Variants in ZNF574 observed in about 807,000 individuals in gnomAD.
ZNF574 encodes the protein zinc finger protein 574.
A neutral mutation model predicts 56.6 loss-of-function variants in ZNF574; 25 were observed. The ratio of observed to expected loss-of-function variants is 0.44; its 90% confidence interval spans 0.32 to 0.62. The LOEUF is 0.62. Ranked by LOEUF, ZNF574 falls within the 20% of genes least tolerant of loss-of-function variation. ZNF574 has a pLI of 0.04. For synonymous variants in ZNF574, 543 were observed against 492.1 expected (o/e 1.10, Z -1.37); for missense variants, 1,065 against 1,218.9 (o/e 0.87, Z 1.88).
rs763583111 is a variant in ZNF574 at position 42,079,620 on chromosome 19, C to T, written c.1014C>T (p.Cys338=). 1.9e-5 allele frequency: 30 copies of T among 1,614,124 alleles called. No individual in the cohort carries two copies. The highest frequency in any genetic ancestry group is 1.7e-4 in the African/African-American group (13 of 75,052). ...LRSHREGVFK[C]PLCSRVFPSP... The stretch of plus-strand genomic sequence containing the variant: ...GTCACCGGGAGGGCGTCTTTAAGTG[C>T]CCCCTGTGCAGTCGTGTCTTCCCTA... Residue 338 remains cysteine (C), a synonymous_variant, in exon 2 of 2, where the codon TGC becomes TGT. Transcript: ENST00000359044. This position sits in a 1 kb window ranked among gnomAD's most constrained non-coding sequence, Gnocchi z 4.3.
upstream of ZNF574, among the ~76,000 whole-genome samples, chr19:42,072,548 CTTTTA>C (rs948088291): frequency 6.6e-6 from 1 of 150,838 alleles, no homozygotes; most frequent in South Asian, 2.1e-4. Context: ...GTTTTCTTTT[CTTTTA>C]TTTTTTCTTT....
chr19:42,080,607 T>C lies in ZNF574; in HGVS notation c.2001T>C (p.Phe667=). 1 of 1,612,872 alleles carries C rather than the reference T, an allele frequency of 6.2e-7. No homozygotes were observed. Among genetic ancestry groups the C allele is most frequent in the Non-Finnish European group, 8.5e-7 (1 of 1,179,870 alleles). The part of the protein sequence containing the change: ...AAAAAQAPRR[F]ECGTCGKKVG... ...CTGCTGCCCAGGCCCCACGGCGCTT[T>C]GAGTGTGGCACCTGTGGCAAGAAAG... Residue 667 remains phenylalanine (F), a synonymous_variant, in exon 2 of 2, where the codon TTT becomes TTC. Coordinates refer to ENST00000359044, the MANE Select transcript of ZNF574 (RefSeq NM_022752.6). This position sits in a 1 kb window ranked among gnomAD's most constrained non-coding sequence, Gnocchi z 8.5.
chr19:42,069,075 G>T, intron 1 of ZNF574: 1 of 456,052 alleles, frequency 2.2e-6, no homozygotes, highest in South Asian at 4.3e-5. Flanking sequence ...AGGTCGAGGT[G>T]AATGGACGCT....
upstream of ZNF574, among the ~76,000 whole-genome samples, chr19:42,072,236 C>CTT (rs1200141888): frequency 4.7e-4 from 64 of 135,156 alleles, no homozygotes; most frequent in African/African-American, 1.1e-3. Flanking sequence ...TTTTCCTTTT[C>CTT]TTTTTTTTTT....
In ZNF574 at chr19:42,078,627, G is replaced by A. The variant is rs1224320445; in HGVS notation, c.21G>A (p.Glu7=). Residue 7 remains glutamate (E), a synonymous_variant, in exon 2 of 2, where the codon GAG becomes GAA. Transcript: ENST00000359044. ...CCGCCATGACTGAGGAATCAGAGGAGACAGTCCTGTACATTGAGCACCGCT... is the reference window on the plus strand; with the variant it reads ...CCGCCATGACTGAGGAATCAGAGGAAACAGTCCTGTACATTGAGCACCGCT... MTEESE[E]TVLYIEHRYV... is the part of the protein sequence containing the mutation. 6.2e-7 allele frequency: 1 copy of A among 1,612,978 alleles called. No individual in the cohort carries two copies. The highest frequency in any genetic ancestry group is 8.5e-7 in the Non-Finnish European group (1 of 1,179,216).
At position 42,076,422 on chromosome 19, in the gene ZNF574, C is replaced by G. The variant is rs2146210323; in HGVS notation, c.-21+136C>G. 2.0e-5 allele frequency: 3 copies of G among 152,024 alleles called. No individual in the cohort carries two copies. The Middle Eastern group carries it at 0.01, about 524-fold the overall frequency. The allele number at this position is 152,024 out of a possible 1,614,324, so 9.4% of individuals were successfully genotyped here. A position where few individuals can be genotyped will look rare whatever the true frequency, so the allele number is the denominator to read the frequency against. ...AGTTAGGGCGGAGCGGCACCAACGG[C>G]CGACCCGGCGCGCGGGCAGCCGGGC... On this transcript the variant is annotated intron_variant, in intron 1 of 1. Coordinates refer to ENST00000359044, the MANE Select transcript of ZNF574 (RefSeq NM_022752.6).
chr19:42,076,570 G>A (rs2146210557), intron 1 of ZNF574, among the ~76,000 whole-genome samples: 1 of 152,266 alleles, frequency 6.6e-6, no homozygotes, highest in Admixed American at 6.5e-5. Flanking sequence ...GGAGGCCTCA[G>A]AGCTGTCCCA....
chr19:42,081,009 G>A lies in ZNF574; in HGVS notation c.2403G>A (p.Lys801=), dbSNP rs759555148. The A allele has an allele frequency of 3.7e-6, 6 of 1,614,228 alleles. No individual in the cohort carries two copies. In the South Asian group the frequency reaches 4.4e-5, roughly 12 times the overall value. The change falls in exon 2 of 2, where the codon AAG becomes AAA. Residue 801 remains lysine, a synonymous_variant. Coordinates refer to ENST00000359044, the MANE Select transcript of ZNF574 (RefSeq NM_022752.6). ...CCTTTGCCTGTGAAGTGTGTGGCAA[G>A]GCCTTTGCCATCTCCATGCGCCTGG... The part of the protein sequence containing the change: ...ERPFACEVCG[K]AFAISMRLAE...
chr19:42,077,146 G>T (rs1028132596), intron 1 of ZNF574, among the ~76,000 whole-genome samples: 2 of 152,028 alleles, frequency 1.3e-5, no homozygotes, highest in Admixed American at 6.5e-5. Flanking sequence ...TTGCTAAGAC[G>T]CTGGGGGGTC....
At position 42,079,303 on chromosome 19, in the gene ZNF574, C is replaced by G. The variant is rs370861226; in HGVS notation, c.697C>G (p.Gln233Glu). 2.5e-6 allele frequency: 4 copies of G among 1,613,998 alleles called. No individual in the cohort carries two copies. Among genetic ancestry groups the G allele is most frequent in the Non-Finnish European group, 3.4e-6 (4 of 1,179,986 alleles). The change falls in exon 2 of 2, where the codon CAG becomes GAG. Residue 233 changes from glutamine to glutamate, a missense_variant. Gln to Glu is a conservative substitution (Grantham distance 29). Transcript: ENST00000359044. This position sits in a 1 kb window ranked among gnomAD's most constrained non-coding sequence, Gnocchi z 4.3. Reference sequence around the variant, plus strand: ...GCTGCCGGCGGATTTCCTGGAGCACCAGGCCACTCACTTCCCTGCTCCTGT... The same window carrying G: ...GCTGCCGGCGGATTTCCTGGAGCACGAGGCCACTCACTTCCCTGCTCCTGT... The part of the protein sequence containing the change: ...FQLPADFLEH[Q>E]ATHFPAPVPE...
chr19:42,080,763 A>G lies in ZNF574; in HGVS notation c.2157A>G (p.Ala719=), dbSNP rs2076493734. Residue 719 remains alanine (A), a synonymous_variant, in exon 2 of 2, where the codon GCA becomes GCG. Coordinates refer to ENST00000359044, the MANE Select transcript of ZNF574 (RefSeq NM_022752.6). The surrounding 1 kb of genome is among the most constrained non-coding windows in gnomAD (Gnocchi z 8.5). ...RATRAPVASP[A]ALGSTATASP... ...CTCGTGCACCAGTTGCCTCTCCAGC[A>G]GCCCTTGGAAGCACTGCTACAGCAT... 6.2e-7 allele frequency: 1 copy of G among 1,613,966 alleles called. No homozygotes were observed. Among genetic ancestry groups the G allele is most frequent in the South Asian group, 1.1e-5 (1 of 91,082 alleles).
Position 42,079,532 on chromosome 19 carries a change from T to G in ZNF574, c.926T>G (p.Leu309Arg). 6.2e-7 allele frequency: 1 copy of G among 1,613,998 alleles called. No individual in the cohort carries two copies. Among genetic ancestry groups the G allele is most frequent in the Non-Finnish European group, 8.5e-7 (1 of 1,180,014 alleles). The change falls in exon 2 of 2, where the codon CTC becomes CGC. Residue 309 changes from leucine (L) to arginine (R), a missense_variant. Physicochemically the swap from Leu to Arg is moderately radical, Grantham distance 102. Transcript: ENST00000359044. This position sits in a 1 kb window ranked among gnomAD's most constrained non-coding sequence, Gnocchi z 4.3. ...GCAGGCGGGGCAGCCACACAGGAGCTCTTCTGCTCAGCCTGTGACCAGCTC... is the reference window on the plus strand; with the variant it reads ...GCAGGCGGGGCAGCCACACAGGAGCGCTTCTGCTCAGCCTGTGACCAGCTC... ...GEAGGAATQE[L>R]FCSACDQLFL...
At position 42,081,461 on chromosome 19, in the gene ZNF574, C is replaced by G; in HGVS notation, c.*164C>G. 1 of 919,338 alleles carries G rather than the reference C, an allele frequency of 1.1e-6. No individual in the cohort carries two copies. The allele number at this position is 919,338 out of a possible 1,614,324, so 56.9% of individuals were successfully genotyped here. Reference sequence around the variant, plus strand: ...CTCGTGAGGGGGGTGCTCTGGGGTCCTTGACACACATAAAGGTGCCCCCCC... The same window carrying G: ...CTCGTGAGGGGGGTGCTCTGGGGTCGTTGACACACATAAAGGTGCCCCCCC... On this transcript the variant is annotated 3_prime_UTR_variant, in exon 2 of 2. Coordinates refer to ENST00000359044, the MANE Select transcript of ZNF574 (RefSeq NM_022752.6).
exon 1 of ZNF574, chr19:42,068,839 G>A (rs1000238800): frequency 1.5e-6 from 1 of 672,910 alleles, no homozygotes; most frequent in Non-Finnish European, 2.7e-6. Flanking sequence ...ACTGGACGGG[G>A]TGGGGACAGG....
chr19:42,068,850 G>A (rs2076380140), exon 1 of ZNF574: 2 of 683,190 alleles, frequency 2.9e-6, no homozygotes, highest in East Asian at 5.6e-5. Context: ...TGGGGACAGG[G>A]CCAAGGCCCA....
chr19:42,079,422 T>C lies in ZNF574; in HGVS notation c.816T>C (p.Ser272=). The part of the protein sequence containing the change: ...PVSQPDPLPA[S]DHSYELRNGE... ...CTCAGCCTGACCCCTTGCCAGCTTC[T>C]GACCACAGTTACGAGCTGCGCAATG... Residue 272 remains serine (S), a synonymous_variant, in exon 2 of 2, where the codon TCT becomes TCC. Transcript: ENST00000359044. This position sits in a 1 kb window ranked among gnomAD's most constrained non-coding sequence, Gnocchi z 4.3. 1 of 1,613,672 alleles carries C rather than the reference T, an allele frequency of 6.2e-7. No individual in the cohort carries two copies. Among genetic ancestry groups the C allele is most frequent in the Non-Finnish European group, 8.5e-7 (1 of 1,180,026 alleles).
chr19:42,076,440 A>T (rs1417563198), intron 1 of ZNF574, among the ~76,000 whole-genome samples, 154 bp downstream of exon 1: 1 of 151,118 alleles, frequency 6.6e-6, no homozygotes, highest in Non-Finnish European at 1.5e-5. Flanking sequence ...GCGCGCGGGC[A>T]GCCGGGCGGG....
chr19:42,075,879 G>A (rs1157273455), upstream of ZNF574, among the ~76,000 whole-genome samples: 3 of 152,258 alleles, frequency 2.0e-5, no homozygotes, highest in African/African-American at 7.2e-5. Context: ...TTCCCCTCTG[G>A]AGCCGTCGGA....
At chr19:42,072,619 T>C (rs1374051582), upstream of ZNF574, among the ~76,000 whole-genome samples, 1 of 151,516 alleles carries the variant, frequency 6.6e-6, no homozygotes, top group African/African-American at 2.4e-5. Context: ...TAGGTTGGAG[T>C]GCAATGGCGC....
Sources: allele counts gnomAD v4.1 joint callset (sites outside exome capture counted in the v4.1 genomes callset), GRCh38; gene constraint gnomAD v4.1.1; non-coding constraint Gnocchi (gnomAD v3.1); transcripts MANE v1.5; gene names NCBI Gene and HGNC (gene_info 2026-07-23, HGNC 2026-07-21).